The following TLL2 variants were observed in gnomAD, a reference collection of about 807,000 sequenced individuals.
TLL2 encodes tolloid-like protein 2.
Under a neutral mutation model 123.0 loss-of-function variants are expected in TLL2, and 106 were observed. That is an observed-to-expected ratio of 0.86 (90% CI 0.74 to 1.01). TLL2 has a LOEUF of 1.01. TLL2 is among the 50% of genes least tolerant of loss of function. TLL2 has a pLI of 0.00. For missense variants in TLL2, 1,332 were observed against 1,336.7 expected (o/e 1.00, Z 0.06); for synonymous variants, 494 against 516.8 (o/e 0.96, Z 0.60).
chr10:96,375,335 T>C (rs1240847654), intron 18 of TLL2: 1 of 152,150 alleles, frequency 6.6e-6, no homozygotes, highest in African/African-American at 2.4e-5. Flanking sequence ...AAGCGCGCAA[T>C]CAATATAGCC....
chr10:96,446,074 G>A lies in TLL2; in HGVS notation c.364+17C>T, dbSNP rs756445536. On this transcript the variant is annotated intron_variant, in intron 3 of 20. Coordinates refer to ENST00000357947, the MANE Select transcript of TLL2 (RefSeq NM_012465.4). ...AGAAAACAAGGTACCCAAAGACCTG[G>A]TGAGGGCTCACATTACCCTTTCCAG... 2 of 1,613,826 alleles carry A rather than the reference G, an allele frequency of 1.2e-6. No homozygotes were observed. Among genetic ancestry groups the A allele is most frequent in the Non-Finnish European group, 1.7e-6 (2 of 1,179,754 alleles).
At chr10:96,422,496 A>G in intron 6 of TLL2, 53 bp downstream of exon 6, 5 of 1,602,974 alleles carry the variant, frequency 3.1e-6, no homozygotes, top group Non-Finnish European at 4.3e-6. Context: ...CCTGTCCCTG[A>G]GGTTGCCACC....
chr10:96,470,877 G>A (rs933188859), intron 2 of TLL2, among the ~76,000 whole-genome samples: 1 of 152,142 alleles, frequency 6.6e-6, no homozygotes, highest in Non-Finnish European at 1.5e-5. Flanking sequence ...CATAACAAAT[G>A]GTACTTGTTC....
intron 2 of TLL2, 146 bp from the exon 3 acceptor site, chr10:96,446,314 C>T: frequency 1.4e-6 from 1 of 732,826 alleles, no homozygotes; most frequent in South Asian, 1.8e-5. Context: ...CAACTGAGCC[C>T]TTACCACATG....
In TLL2 at chr10:96,367,097, C is replaced by G. The variant is rs1189723650; in HGVS notation, c.*991G>C. ...CCACAAGGCGATGATTCTTACATAA[C>G]TTATAATTAACCAGTCTTCAACAGT... On this transcript the variant is annotated 3_prime_UTR_variant, in exon 21 of 21. Transcript: ENST00000357947. The G allele has an allele frequency of 6.6e-6, 1 of 152,264 alleles. No homozygotes were observed. Among genetic ancestry groups the G allele is most frequent in the African/African-American group, 2.4e-5 (1 of 41,458 alleles). 9.4% of individuals were successfully genotyped at this position (152,264 alleles called of 1,614,324 possible).
chr10:96,512,755 C>G (rs1406940887), intron 1 of TLL2, among the ~76,000 whole-genome samples: 1 of 152,248 alleles, frequency 6.6e-6, no homozygotes, highest in Non-Finnish European at 1.5e-5. Context: ...AACGCTTCAA[C>G]GACTCCAGCT....
In TLL2 at chr10:96,373,728, C is replaced by T. The variant is rs1429055592; in HGVS notation, c.2530G>A (p.Ala844Thr). 1 of 1,614,224 alleles carries T rather than the reference C, an allele frequency of 6.2e-7. No individual in the cohort carries two copies. Among genetic ancestry groups the T allele is most frequent in the East Asian group, 2.2e-5 (1 of 44,884 alleles). ...CCGCAGAAACGGCCCAGAATGGGGGCCAGGCTGTCCGGCCCGTCATACATT... is the reference window on the plus strand; with the variant it reads ...CCGCAGAAACGGCCCAGAATGGGGGTCAGGCTGTCCGGCCCGTCATACATT... The part of the protein sequence containing the change: ...LEMYDGPDSL[A>T]PILGRFCGSK... Residue 844 changes from alanine to threonine, a missense_variant, in exon 19 of 21, where the codon GCC (alanine) becomes ACC (threonine). Transcript: ENST00000357947.
rs141070926 is a variant in TLL2, at chr10:96,460,288, A to C, written c.287-14120T>G. 2.0e-3 allele frequency among the ~76,000 whole-genome samples: 309 copies of C among 152,342 alleles called. 1 individual carries two copies. The highest frequency in any genetic ancestry group is 7.0e-3 in the African/African-American group (293 of 41,580). On this transcript the variant is annotated intron_variant, in intron 2 of 20. Transcript: ENST00000357947. ...GCAAACACTTCACAGAAGAAATTCT[A>C]ATTTAGTAGATGCTATATATAGACT... is the stretch of plus-strand genomic sequence containing the variant.
intron 1 of TLL2, among the ~76,000 whole-genome samples, chr10:96,495,467 C>T (rs534280597): frequency 6.6e-6 from 1 of 152,244 alleles, no homozygotes; most frequent in African/African-American, 2.4e-5. Flanking sequence ...AAGTGACCCA[C>T]AGAGAAAGGA....
chr10:96,483,751 A>G (rs1847333664), intron 1 of TLL2, among the ~76,000 whole-genome samples: 1 of 152,164 alleles, frequency 6.6e-6, no homozygotes, highest in Non-Finnish European at 1.5e-5. Context: ...CCTGTGACAG[A>G]GTCTATTATT....
chr10:96,400,495 A>G (rs144453214), intron 10 of TLL2, among the ~76,000 whole-genome samples: 1 of 152,346 alleles, frequency 6.6e-6, no homozygotes, highest in African/African-American at 2.4e-5. Flanking sequence ...GTTTGGAAAC[A>G]GACAAGTAGG....
intron 5 of TLL2, among the ~76,000 whole-genome samples, chr10:96,426,276 A>G (rs1444569905): frequency 1.3e-5 from 2 of 152,082 alleles, no homozygotes; most frequent in African/African-American, 2.4e-5. Flanking sequence ...ATGTGCTAAC[A>G]TTTTATTTAG....
At chr10:96,392,372 C>T (rs1469259972) in intron 13 of TLL2, among the ~76,000 whole-genome samples, 1 of 151,802 alleles carries the variant, frequency 6.6e-6, no homozygotes, top group African/African-American at 2.4e-5. Flanking sequence ...CTTCTCAGCA[C>T]AGTATGTGAT....
chr10:96,376,775 T>C lies in TLL2; in HGVS notation c.2365A>G (p.Ser789Gly). ...GGGTATTTGTCAGGCCAGTTGGGGC[T>C]CGCCAGGGTCCCCTCCACACTGCTG... The part of the protein sequence containing the change: ...KISSVEGTLA[S>G]PNWPDKYPSR... Residue 789 changes from serine to glycine, a missense_variant, in exon 18 of 21, where the codon AGC becomes GGC. Physicochemically the swap from Ser to Gly is moderately conservative, Grantham distance 56. Coordinates refer to ENST00000357947, the MANE Select transcript of TLL2 (RefSeq NM_012465.4). 3.8e-6 allele frequency: 6 copies of C among 1,594,464 alleles called. No individual in the cohort carries two copies. The highest frequency in any genetic ancestry group is 2.3e-5 in the South Asian group (2 of 88,036).
intron 2 of TLL2, among the ~76,000 whole-genome samples, chr10:96,476,871 C>CACACACACACAG (rs1847259792): frequency 1.5e-5 from 2 of 135,900 alleles, no homozygotes; most frequent in African/African-American, 5.8e-5. Flanking sequence ...CACACACACA[C>CACACACACACAG]ACACACACAC....
intron 1 of TLL2, among the ~76,000 whole-genome samples, chr10:96,502,238 C>G (rs2134114864): frequency 6.6e-6 from 1 of 152,266 alleles, no homozygotes; most frequent in African/African-American, 2.4e-5. Context: ...AAGCAATGAC[C>G]AGAGCACCCC....
intron 2 of TLL2, among the ~76,000 whole-genome samples, chr10:96,476,898 G>A (rs1038853896): frequency 6.0e-4 from 51 of 85,422 alleles, no homozygotes; most frequent in African/African-American, 1.7e-3. Context: ...ACACACACAC[G>A]CAAACATGCA....
At chr10:96,388,635 C>G (rs1846258953) in intron 13 of TLL2, among the ~76,000 whole-genome samples, 1 of 152,178 alleles carries the variant, frequency 6.6e-6, no homozygotes, top group African/African-American at 2.4e-5. Flanking sequence ...GGTCAAAAGT[C>G]TGACTCCTTA....
At chr10:96,502,714 T>G in intron 1 of TLL2, among the ~76,000 whole-genome samples, 1 of 150,928 alleles carries the variant, frequency 6.6e-6, no homozygotes, top group African/African-American at 2.4e-5. Flanking sequence ...TGAAAAAGAG[T>G]TAAGAAGGAA....
Sources: gnomAD v4.1 joint callset for allele counts (sites outside exome capture counted in the v4.1 genomes callset) on GRCh38, gnomAD v4.1.1 for gene constraint, MANE v1.5 for transcripts, NCBI Gene and HGNC (gene_info 2026-07-23, HGNC 2026-07-21) for gene names.